Variants in ANAPC7 observed in about 807,000 individuals in gnomAD.
ANAPC7 encodes the protein anaphase promoting complex subunit 7.
In ANAPC7, 25 loss-of-function variants were observed where a neutral mutation model predicts 63.3. That is an observed-to-expected ratio of 0.39 (90% confidence interval 0.29 to 0.55). The LOEUF (loss-of-function observed/expected upper bound fraction) is 0.55, where lower values mean the gene tolerates loss of function less well. ANAPC7 is among the 20% of genes least tolerant of loss of function. ANAPC7 has a pLI of 0.57. For synonymous variants in ANAPC7, 241 were observed against 251.7 expected, an observed-to-expected ratio of 0.96 and a Z score of 0.40; for missense variants, 516 against 691.7, an observed-to-expected ratio of 0.75 and a Z score of 2.85.
intron 3 of ANAPC7, among the ~76,000 whole-genome samples, chr12:110,391,477 T>C (rs566509936): frequency 1.6e-4 from 24 of 152,292 alleles, no homozygotes; most frequent in South Asian, 8.3e-4. Context: ...GTCCTTTACA[T>C]AGACTGAGAA....
intron 1 of ANAPC7, among the ~76,000 whole-genome samples, chr12:110,401,355 C>T (rs1386175746): frequency 6.6e-6 from 1 of 152,154 alleles, no homozygotes; most frequent in Non-Finnish European, 1.5e-5. Context: ...GTACTCACTT[C>T]CTCAACACAC....
intron 8 of ANAPC7, chr12:110,378,565 C>G (rs1161798749): frequency 6.6e-6 from 1 of 152,290 alleles, no homozygotes; most frequent in East Asian, 1.9e-4. Context: ...ACCAAACAGA[C>G]TGCAACTGGC....
At chr12:110,388,720 C>G (rs956064433) in intron 3 of ANAPC7, 97 bp from the exon 4 acceptor site, 2 of 869,192 alleles carry the variant, frequency 2.3e-6, no homozygotes, top group East Asian at 5.1e-5. Context: ...CAGTTATTTA[C>G]TTTTTACTGG....
intron 3 of ANAPC7, among the ~76,000 whole-genome samples, chr12:110,389,035 TC>T (rs1299862676): frequency 7.3e-6 from 1 of 137,134 alleles, no homozygotes; most frequent in African/African-American, 2.8e-5. Context: ...TGAACCGACA[TC>T]ACGCCACTGC....
intron 6 of ANAPC7, chr12:110,383,180 T>A: frequency 2.3e-6 from 1 of 444,036 alleles, no homozygotes; most frequent in Non-Finnish European, 4.0e-6. Context: ...GGCTCACACC[T>A]GTAATTCCAG....
At chr12:110,401,518 C>G (rs2062228068) in intron 1 of ANAPC7, among the ~76,000 whole-genome samples, 1 of 152,130 alleles carries the variant, frequency 6.6e-6, no homozygotes, top group African/African-American at 2.4e-5. Context: ...AAGGAGGAGG[C>G]AACGCTGAGA....
intron 6 of ANAPC7, among the ~76,000 whole-genome samples, chr12:110,384,680 A>C (rs1383652473): frequency 7.8e-6 from 1 of 128,384 alleles, no homozygotes; most frequent in African/African-American, 2.9e-5. Context: ...TCTCACAAAA[A>C]AAAAACAAAA....
intron 6 of ANAPC7, among the ~76,000 whole-genome samples, chr12:110,383,840 C>A (rs1226220160): frequency 7.7e-6 from 1 of 129,714 alleles, no homozygotes; most frequent in African/African-American, 3.0e-5. Flanking sequence ...CGTGCCACTG[C>A]ACTCTAGCCT....
chr12:110,397,292 C>T (rs1166331176), intron 1 of ANAPC7, among the ~76,000 whole-genome samples: 1 of 151,976 alleles, frequency 6.6e-6, no homozygotes, highest in Non-Finnish European at 1.5e-5. Context: ...CGGTGGCTCA[C>T]GCCTGTAACC....
intron 3 of ANAPC7, among the ~76,000 whole-genome samples, chr12:110,393,487 G>T (rs1883277841): frequency 6.6e-6 from 1 of 152,048 alleles, no homozygotes; most frequent in Admixed American, 6.6e-5. Flanking sequence ...CAGCAATTTG[G>T]GAGGCTAAGG....
intron 1 of ANAPC7, among the ~76,000 whole-genome samples, chr12:110,399,794 C>CAAA (rs60764482): frequency 1.6e-5 from 1 of 60,688 alleles, no homozygotes; most frequent in Admixed American, 1.9e-4. Flanking sequence ...CTGTCTCAGA[C>CAAA]AAAAAAAAAA....
At chr12:110,399,552 T>A (rs1478041422) in intron 1 of ANAPC7, among the ~76,000 whole-genome samples, 1 of 151,936 alleles carries the variant, frequency 6.6e-6, no homozygotes, top group African/African-American at 2.4e-5. Context: ...GGTTTCTTTT[T>A]GTTGGGATAA....
rs1881257189 is a variant in ANAPC7 at position 110,376,286 on chromosome 12, C to G, written c.1358-70G>C. 6 of 1,559,020 alleles carry G rather than the reference C, an allele frequency of 3.8e-6. No homozygotes were observed. In the Admixed American group the frequency reaches 5.2e-5, roughly 13 times the overall value. On this transcript the variant is annotated intron_variant, in intron 9 of 10. Coordinates refer to ENST00000455511, the MANE Select transcript of ANAPC7 (RefSeq NM_016238.3). ...ACCACAACTACCATTCTGACCATCT[C>G]TTTGCAGACATCCTCAAGAGAACAC...
At chr12:110,383,664 C>T (rs1882148033) in intron 6 of ANAPC7, among the ~76,000 whole-genome samples, 1 of 151,670 alleles carries the variant, frequency 6.6e-6, no homozygotes, top group South Asian at 2.1e-4. Flanking sequence ...GGGCAGATCA[C>T]GAGGTCAGGA....
chr12:110,381,958 A>G lies in ANAPC7; in HGVS notation c.936-10T>C, dbSNP rs77132224. On this transcript the variant is annotated splice_polypyrimidine_tract_variant and intron_variant, in intron 7 of 10. Transcript: ENST00000455511. ...ATAGAAGCTGTGACAGCTGGAGAAA[A>G]AAAAAAAAAAAAAAACACAAAAACC... 0.026 allele frequency: 36,263 copies of G among 1,382,524 alleles called. 156 individuals are homozygous for G. Among genetic ancestry groups the G allele is most frequent in the Non-Finnish European group, 0.029 (30,191 of 1,038,086 alleles). 85.6% of individuals were successfully genotyped at this position (1,382,524 alleles called of 1,614,324 possible).
At chr12:110,401,664 C>A (rs2062229968) in intron 1 of ANAPC7, among the ~76,000 whole-genome samples, 1 of 151,304 alleles carries the variant, frequency 6.6e-6, no homozygotes, top group Admixed American at 6.6e-5. Context: ...GCCGAGGCGG[C>A]GGGATCACCA....
chr12:110,403,476 G>A (rs2062263062), intron 1 of ANAPC7, 51 bp downstream of exon 1: 6 of 1,538,456 alleles, frequency 3.9e-6, no homozygotes, highest in East Asian at 4.9e-5. Flanking sequence ...CCCGCTCCCA[G>A]ACCGCCGCCG....
intron 1 of ANAPC7, among the ~76,000 whole-genome samples, chr12:110,397,129 A>G (rs2137986323): frequency 6.6e-6 from 1 of 151,860 alleles, no homozygotes; most frequent in East Asian, 2.0e-4. Context: ...GCATGAACCC[A>G]GGAGGCCTGT....
intron 3 of ANAPC7, among the ~76,000 whole-genome samples, chr12:110,389,470 G>C (rs959970151): frequency 6.6e-6 from 1 of 152,134 alleles, no homozygotes. Context: ...TAACACTTAA[G>C]GCTTTGGCCC....
Sources: allele counts gnomAD v4.1 joint callset (sites outside exome capture counted in the v4.1 genomes callset), GRCh38; gene constraint gnomAD v4.1.1; transcripts MANE v1.5; gene names NCBI Gene and HGNC (gene_info 2026-07-23, HGNC 2026-07-21).